MAST4: variants seen among roughly 807,000 people sequenced by gnomAD.
The protein encoded by MAST4 is microtubule associated serine/threonine kinase family member 4.
In MAST4, 89 loss-of-function variants were observed where a neutral mutation model predicts 162.7. The observed-to-expected ratio is 0.55, with a 90% confidence interval of 0.46 to 0.65. The LOEUF is 0.65. Among genes scored for constraint, MAST4 ranks in the 30% least tolerant of loss-of-function variants. The pLI, the probability that MAST4 is intolerant of heterozygous loss-of-function variation, is 0.00. For missense variants in MAST4, 3,153 were observed against 3,374.0 expected, an observed-to-expected ratio of 0.93 and a Z score of 1.62; for synonymous variants, 1,479 against 1,361.1, an observed-to-expected ratio of 1.09 and a Z score of -1.91.
At chr5:67,140,174 T>G (rs1770187194) in intron 19 of MAST4, among the ~76,000 whole-genome samples, 1 of 152,192 alleles carries the variant, frequency 6.6e-6, no homozygotes, top group East Asian at 1.9e-4. Flanking sequence ...TGTAGTCTAG[T>G]GGAACCATCA....
chr5:66,646,055 T>G lies in MAST4; in HGVS notation c.363+49037T>G, dbSNP rs1166093663. On this transcript the variant is annotated intron_variant, in intron 1 of 28. Coordinates refer to ENST00000403625, the MANE Select transcript of MAST4 (RefSeq NM_001164664.2). ...TGTTCAGGAATTGAGATTGAGAGGA[T>G]AGGAAATTATAGGGCATTTGCCAAT... 1.3e-5 allele frequency among the ~76,000 whole-genome samples: 2 copies of G among 152,174 alleles called. 1 individual carries two copies. The highest frequency in any genetic ancestry group is 6.3e-3 in the Middle Eastern group (2 of 316).
In MAST4 at chr5:66,599,750, TTTTA is replaced by T. The variant is rs200048958; in HGVS notation, c.363+2736_363+2739del. Among the ~76,000 whole-genome samples the T allele has an allele frequency of 4.9e-3, 751 of 152,274 alleles. 5 individuals are homozygous for T. The highest frequency in any genetic ancestry group is 0.017 in the African/African-American group (727 of 41,544). ...AAATGGGAATAAACTGGGAAACAGTTTTTATTTGTCTCCAGTTATTTTGTGACAA... is the reference window on the plus strand; with the variant it reads ...AAATGGGAATAAACTGGGAAACAGTTTTTGTCTCCAGTTATTTTGTGACAA... On this transcript the variant is annotated intron_variant, in intron 1 of 28. Transcript: ENST00000403625.
intron 3 of MAST4, among the ~76,000 whole-genome samples, chr5:66,877,595 T>C (rs1278572935): frequency 3.3e-5 from 5 of 152,084 alleles, no homozygotes; most frequent in Non-Finnish European, 7.3e-5. Flanking sequence ...CTTCCACAGA[T>C]GGTACCACCG....
intron 5 of MAST4, among the ~76,000 whole-genome samples, chr5:67,083,400 AAG>A (rs1217586929): frequency 6.6e-6 from 1 of 152,190 alleles, no homozygotes; most frequent in Non-Finnish European, 1.5e-5. Context: ...AGCCAAAAGA[AAG>A]AGATTTATAA....
At chr5:66,989,860 T>C (rs963931399) in intron 4 of MAST4, among the ~76,000 whole-genome samples, 5 of 152,196 alleles carry the variant, frequency 3.3e-5, no homozygotes, top group African/African-American at 9.7e-5. Flanking sequence ...AATTTTAAAA[T>C]TTGTAATCAA....
In MAST4 at chr5:66,769,961, A is replaced by C. The variant is rs370788592; in HGVS notation, c.517+10099A>C. ...ACATCCTGCTGGTATTTGTTTTACT[A>C]GTTCTTAATAGGTATAAAATTGCTA... On this transcript the variant is annotated intron_variant, in intron 2 of 28. Coordinates refer to ENST00000403625, the MANE Select transcript of MAST4 (RefSeq NM_001164664.2). 1.9e-4 allele frequency among the ~76,000 whole-genome samples: 29 copies of C among 152,350 alleles called. No individual in the cohort carries two copies. In the East Asian group the frequency reaches 5.6e-3, roughly 29 times the overall value.
chr5:66,820,175 GT>G (rs1756925856), intron 3 of MAST4, among the ~76,000 whole-genome samples: 1 of 151,988 alleles, frequency 6.6e-6, no homozygotes, highest in South Asian at 2.1e-4. Context: ...AATCTCTGAT[GT>G]AGTAGCTATA....
chr5:67,166,630 C>T lies in MAST4; in HGVS notation c.7451C>T (p.Ser2484Phe). 1 of 1,601,268 alleles carries T rather than the reference C, an allele frequency of 6.2e-7. No individual in the cohort carries two copies. Among genetic ancestry groups the T allele is most frequent in the South Asian group, 1.1e-5 (1 of 88,676 alleles). Residue 2484 changes from serine (S) to phenylalanine (F), a missense_variant, in exon 29 of 29, where the codon TCT (serine) becomes TTT (phenylalanine). By Grantham distance (155) the Ser-to-Phe change is radical (BLOSUM62 -2). Transcript: ENST00000403625. Reference protein sequence around the residue: ...EASAASSDTSSAKAAGGMLEL... With the variant: ...EASAASSDTSFAKAAGGMLEL... ...TCTGCAGCCAGCAGCGACACCTCTT[C>T]TGCCAAGGCCGCCGGGGGCATGCTG...
intron 1 of MAST4, among the ~76,000 whole-genome samples, chr5:66,663,606 G>A (rs1004670133): frequency 1.3e-5 from 2 of 152,140 alleles, no homozygotes; most frequent in Admixed American, 1.3e-4. Context: ...AAGGTGCACA[G>A]CCCTGAAAGG....
chr5:66,727,940 T>G (rs1751622184), intron 1 of MAST4, among the ~76,000 whole-genome samples: 1 of 152,066 alleles, frequency 6.6e-6, no homozygotes, highest in African/African-American at 2.4e-5. Context: ...GCAGCTGTGG[T>G]GTTTGCTTCT....
At chr5:66,695,372 A>T (rs1040411509) in intron 1 of MAST4, among the ~76,000 whole-genome samples, 1 of 152,072 alleles carries the variant, frequency 6.6e-6, no homozygotes, top group Non-Finnish European at 1.5e-5. Flanking sequence ...CCATTGGTCT[A>T]TGTGTCTGTT....
intron 3 of MAST4, among the ~76,000 whole-genome samples, chr5:66,801,081 C>T (rs1043423334): frequency 6.6e-6 from 1 of 152,148 alleles, no homozygotes; most frequent in Non-Finnish European, 1.5e-5. Context: ...GGGCCTCTAA[C>T]ATTTTTCCTG....
Position 66,619,799 on chromosome 5 carries a change from T to A in MAST4, c.363+22781T>A, listed in dbSNP as rs988292310. ...AATAAAATAATTTAGATTTAATTTTTAAAAAAAATTTATATCAAGGTCACC... is the reference window on the plus strand; with the variant it reads ...AATAAAATAATTTAGATTTAATTTTAAAAAAAAATTTATATCAAGGTCACC... On this transcript the variant is annotated intron_variant, in intron 1 of 28. Transcript: ENST00000403625. Among the ~76,000 whole-genome samples the A allele has an allele frequency of 2.4e-4, 36 of 152,002 alleles. 1 individual carries two copies. The East Asian group carries it at 3.9e-3, about 16-fold the overall frequency.
chr5:67,127,639 A>G (rs1406753726), intron 14 of MAST4, among the ~76,000 whole-genome samples: 1 of 152,076 alleles, frequency 6.6e-6, no homozygotes, highest in East Asian at 1.9e-4. Context: ...CTTATCTTCT[A>G]TTTGAGGGAT....
chr5:67,117,791 G>T (rs58943925), intron 12 of MAST4, among the ~76,000 whole-genome samples: 3,751 of 152,018 alleles, frequency 0.025, 134 homozygotes, highest in East Asian at 0.17. Flanking sequence ...AACAATAAAA[G>T]AATTTGATTG....
intron 1 of MAST4, among the ~76,000 whole-genome samples, chr5:66,635,398 C>T (rs951998028): frequency 6.6e-6 from 1 of 152,194 alleles, no homozygotes; most frequent in African/African-American, 2.4e-5. Flanking sequence ...GCTCGTCACG[C>T]TAATGACTAG....
Position 66,750,813 on chromosome 5 carries a change from C to A in MAST4, c.364-8896C>A, listed in dbSNP as rs571661537. ...CCCACCACAGCTCAAGGAGGCCTGC[C>A]TGCCTCTGTAGGCTCCACCTCTGGG... On this transcript the variant is annotated intron_variant, in intron 1 of 28. Transcript: ENST00000403625. Among the ~76,000 whole-genome samples, 263 of 152,362 alleles carry A rather than the reference C, an allele frequency of 1.7e-3. 3 individuals are homozygous for A. Among genetic ancestry groups the A allele is most frequent in the Non-Finnish European group, 9.3e-4 (63 of 68,028 alleles).
At chr5:66,934,751 A>T (rs1742544776) in intron 4 of MAST4, among the ~76,000 whole-genome samples, 1 of 152,140 alleles carries the variant, frequency 6.6e-6, no homozygotes, top group African/African-American at 2.4e-5. Flanking sequence ...TAGCTGTGTC[A>T]TCTGCTACAG....
At chr5:67,052,085 A>T (rs1186649246) in intron 4 of MAST4, among the ~76,000 whole-genome samples, 2 of 152,316 alleles carry the variant, frequency 1.3e-5, no homozygotes, top group East Asian at 3.9e-4. Flanking sequence ...TTTGTGTAAC[A>T]TACTACCCAT....
Sources: allele counts gnomAD v4.1 joint callset (sites outside exome capture counted in the v4.1 genomes callset), GRCh38; gene constraint gnomAD v4.1.1; transcripts MANE v1.5; gene names NCBI Gene and HGNC (gene_info 2026-07-23, HGNC 2026-07-21).